WDPCP: variants seen among roughly 807,000 people sequenced by gnomAD.
WDPCP encodes the protein WD repeat-containing and planar cell polarity effector protein fritz homolog.
Under a neutral mutation model 93.1 loss-of-function variants are expected in WDPCP, and 71 were observed. That is an observed-to-expected ratio of 0.76 (90% CI 0.63 to 0.93). The LOEUF (loss-of-function observed/expected upper bound fraction) is 0.93, where lower values mean the gene tolerates loss of function less well. Ranked by LOEUF, WDPCP falls within the 40% of genes least tolerant of loss-of-function variation. The pLI is 0.00. For missense variants in WDPCP, 844 were observed against 887.4 expected (o/e 0.95, Z 0.62); for synonymous variants, 315 against 315.0 (o/e 1.00, Z 0.00).
chr2:63,156,125 G>A (rs1049037623), intron 15 of WDPCP, among the ~76,000 whole-genome samples: 3 of 151,790 alleles, frequency 2.0e-5, no homozygotes, highest in Admixed American at 6.6e-5. Context: ...TCAGCCTCCC[G>A]AGTAGCTGGG....
chr2:63,292,953 A>G (rs1684557795), intron 13 of WDPCP, among the ~76,000 whole-genome samples: 1 of 152,180 alleles, frequency 6.6e-6, no homozygotes, highest in Admixed American at 6.5e-5. Context: ...GCAACTGTGC[A>G]CACCTTCCAG....
chr2:63,233,806 A>G (rs764902357), intron 14 of WDPCP, among the ~76,000 whole-genome samples: 1 of 152,234 alleles, frequency 6.6e-6, no homozygotes, highest in African/African-American at 2.4e-5. Context: ...TGCAGGCCAC[A>G]GACATTAATG....
intron 17 of WDPCP, among the ~76,000 whole-genome samples, chr2:63,148,789 G>C (rs887153477): frequency 3.3e-5 from 5 of 152,038 alleles, no homozygotes; most frequent in African/African-American, 1.2e-4. Context: ...TACAAGATGA[G>C]TCTGGGACAT....
intron 2 of WDPCP, among the ~76,000 whole-genome samples, chr2:63,704,824 G>A (rs1490079040): frequency 6.6e-6 from 1 of 152,222 alleles, no homozygotes; most frequent in African/African-American, 2.4e-5. Flanking sequence ...AAATGAGTCA[G>A]GGAGGATTTC....
At chr2:63,291,716 G>C (rs1293925434) in intron 13 of WDPCP, among the ~76,000 whole-genome samples, 1 of 151,850 alleles carries the variant, frequency 6.6e-6, no homozygotes, top group Non-Finnish European at 1.5e-5. Flanking sequence ...GGGAGAGGCA[G>C]GAGAATTACT....
In WDPCP at chr2:63,455,546, C is replaced by T. The variant is rs547453919; in HGVS notation, c.385-15675G>A. ...TTACATTTATATCAGATAAAACAGA[C>T]TTTAACTCAAAAACAGTAAAAAAAT... On this transcript the variant is annotated intron_variant, in intron 6 of 17. Coordinates refer to ENST00000272321, the MANE Select transcript of WDPCP (RefSeq NM_015910.7). Among the ~76,000 whole-genome samples, 344 of 151,642 alleles carry T rather than the reference C, an allele frequency of 2.3e-3. 1 individual carries two copies. The highest frequency in any genetic ancestry group is 4.2e-3 in the Non-Finnish European group (288 of 67,904).
intron 15 of WDPCP, among the ~76,000 whole-genome samples, chr2:63,163,975 G>A (rs928160986): frequency 6.6e-6 from 1 of 152,120 alleles, no homozygotes; most frequent in Non-Finnish European, 1.5e-5. Context: ...AGTTTCTTAT[G>A]TATGAATTCA....
intron 2 of WDPCP, among the ~76,000 whole-genome samples, chr2:63,809,576 C>G (rs895859575): frequency 6.6e-6 from 1 of 152,196 alleles, no homozygotes; most frequent in Non-Finnish European, 1.5e-5. Flanking sequence ...AAGAAAAATT[C>G]TTCTGCCTTG....
At chr2:63,420,465 T>C (rs6745644) in intron 9 of WDPCP, among the ~76,000 whole-genome samples, 70,697 of 147,570 alleles carry the variant, frequency 0.48, 17,283 homozygotes, top group African/African-American at 0.59. Flanking sequence ...ACCCGGGAGG[T>C]GGAGGTTGTG....
At chr2:63,643,806 T>A in intron 3 of WDPCP, 1 of 542,048 alleles carries the variant, frequency 1.8e-6, no homozygotes, top group Admixed American at 1.9e-5. Flanking sequence ...GCAGGGTAGG[T>A]TACATCAGTT....
At chr2:63,680,196 T>C (rs533634627) in intron 2 of WDPCP, among the ~76,000 whole-genome samples, 2 of 152,202 alleles carry the variant, frequency 1.3e-5, no homozygotes, top group African/African-American at 4.8e-5. Context: ...CAAAAAAGCA[T>C]TGTCGTAAGA....
intron 2 of WDPCP, among the ~76,000 whole-genome samples, chr2:63,811,484 G>C (rs763907077): frequency 2.6e-5 from 4 of 152,116 alleles, no homozygotes; most frequent in Non-Finnish European, 4.4e-5. Flanking sequence ...AGAAGCTGGG[G>C]CTCTCAGCCT....
chr2:63,608,906 C>T (rs1709584452), intron 3 of WDPCP, among the ~76,000 whole-genome samples: 1 of 152,226 alleles, frequency 6.6e-6, no homozygotes. Flanking sequence ...TAATCGGAAG[C>T]ATAAAAACAA....
chr2:63,790,155 T>C (rs979349330), intron 2 of WDPCP, among the ~76,000 whole-genome samples: 1 of 152,100 alleles, frequency 6.6e-6, no homozygotes, highest in Non-Finnish European at 1.5e-5. Context: ...AGCACCTAGA[T>C]CTAGAGCCAC....
chr2:63,210,130 A>G (rs1676655485), intron 14 of WDPCP, among the ~76,000 whole-genome samples: 1 of 151,730 alleles, frequency 6.6e-6, no homozygotes, highest in South Asian at 2.1e-4. Context: ...TAATATACAT[A>G]TAAAATTATA....
intron 10 of WDPCP, among the ~76,000 whole-genome samples, chr2:63,382,735 T>C (rs1692413443): frequency 6.6e-6 from 1 of 152,162 alleles, no homozygotes; most frequent in South Asian, 2.1e-4. Flanking sequence ...ATGAGAAAGA[T>C]GCTAAAATTC....
At chr2:63,295,440 A>G (rs1369072271) in intron 13 of WDPCP, among the ~76,000 whole-genome samples, 1 of 152,096 alleles carries the variant, frequency 6.6e-6, no homozygotes, top group Non-Finnish European at 1.5e-5. Flanking sequence ...AAAAGATGAA[A>G]AAAAAGATAT....
chr2:63,391,067 G>T (rs1458779612), intron 10 of WDPCP, among the ~76,000 whole-genome samples: 6 of 152,090 alleles, frequency 3.9e-5, no homozygotes, highest in Admixed American at 2.6e-4. Flanking sequence ...TGATACAAAA[G>T]CCTGGCAGAG....
At chr2:63,187,693 G>A (rs1355165711) in intron 14 of WDPCP, among the ~76,000 whole-genome samples, 1 of 152,118 alleles carries the variant, frequency 6.6e-6, no homozygotes, top group Admixed American at 6.5e-5. Flanking sequence ...ATAATTGTGT[G>A]TGTCTGTGAT....
Sources: allele counts gnomAD v4.1 joint callset (sites outside exome capture counted in the v4.1 genomes callset), GRCh38; gene constraint gnomAD v4.1.1; transcripts MANE v1.5; gene names NCBI Gene and HGNC (gene_info 2026-07-23, HGNC 2026-07-21).